VMA22: variants seen among roughly 807,000 people sequenced by gnomAD.
VMA22 encodes vacuolar ATPase assembly protein VMA22.
the VMA22 span, chr2:130,338,565 C>A: frequency 1.3e-5 from 2 of 152,270 alleles, no homozygotes; most frequent in Non-Finnish European, 2.9e-5. Flanking sequence ...ATTTTAAAAA[C>A]CTAGGCCTCT....
At chr2:130,341,690 T>C in the VMA22 span, 1 of 1,611,702 alleles carries the variant, frequency 6.2e-7, no homozygotes, top group Non-Finnish European at 8.5e-7. Context: ...CCCCACCTCC[T>C]CTGGGGCGTG....
At chr2:130,339,486 T>C in the VMA22 span, 1 of 1,364,370 alleles carries the variant, frequency 7.3e-7, no homozygotes, top group Non-Finnish European at 9.5e-7. Context: ...AACTAAAAAT[T>C]CACAGATAGT....
At chr2:130,342,330 T>C in the VMA22 span, 2 of 914,574 alleles carry the variant, frequency 2.2e-6, no homozygotes, top group Non-Finnish European at 3.2e-6. Context: ...TCAACTGGTT[T>C]CTCCAATTAG....
At chr2:130,339,323 C>T in the VMA22 span, 1 of 1,371,224 alleles carries the variant, frequency 7.3e-7, no homozygotes, top group Admixed American at 2.1e-5. Context: ...GGAAAGGCTT[C>T]AGGCCTCTCT....
chr2:130,339,639 G>A, the VMA22 span: 4 of 1,305,078 alleles, frequency 3.1e-6, no homozygotes, highest in Middle Eastern at 2.1e-4. Flanking sequence ...TGTCTCTGCT[G>A]GAACAGCTGC....
the VMA22 span, chr2:130,341,685 C>A: frequency 6.2e-7 from 1 of 1,611,416 alleles, no homozygotes; most frequent in Admixed American, 1.7e-5. Flanking sequence ...CGAGGCCCCA[C>A]CTCCTCTGGG....
the VMA22 span, chr2:130,341,800 C>T: frequency 1.4e-5 from 19 of 1,389,362 alleles, no homozygotes; most frequent in Non-Finnish European, 1.9e-5. Flanking sequence ...GCCTAGAACG[C>T]GCCCGCCCGC....
the VMA22 span, chr2:130,339,723 C>T: frequency 7.7e-7 from 1 of 1,304,266 alleles, no homozygotes; most frequent in Non-Finnish European, 1.0e-6. Flanking sequence ...TTGGATCACT[C>T]GCTCCAGGAA....
chr2:130,339,364 G>GTA, the VMA22 span: 19 of 1,335,232 alleles, frequency 1.4e-5, no homozygotes, highest in Non-Finnish European at 1.8e-5. Context: ...AACATTCCAG[G>GTA]TACGGCCCTG....
At chr2:130,340,913 C>T in the VMA22 span, 21 of 1,613,946 alleles carry the variant, frequency 1.3e-5, no homozygotes, top group Middle Eastern at 3.3e-4. Flanking sequence ...CTCACCATCC[C>T]GGAAGCTTGC....
At chr2:130,341,736 C>A in the VMA22 span, 14 of 1,611,362 alleles carry the variant, frequency 8.7e-6, no homozygotes. Flanking sequence ...TTCTGGAGTC[C>A]CTCCTGGGCC....
the VMA22 span, chr2:130,339,009 T>C: frequency 4.1e-5 from 30 of 737,810 alleles, no homozygotes; most frequent in Middle Eastern, 3.7e-4. Context: ...AGAAGGGGCA[T>C]TAGCTGGCGT....
the VMA22 span, chr2:130,340,224 A>C: frequency 6.2e-6 from 1 of 161,176 alleles, no homozygotes; most frequent in South Asian, 1.6e-4. Context: ...CCCACCACTT[A>C]CCTCCTCCTC....
the VMA22 span, chr2:130,341,801 G>GGCCCCCCCCCCCCCCCCCC: frequency 7.3e-7 from 1 of 1,378,140 alleles, no homozygotes; most frequent in Non-Finnish European, 9.9e-7. Flanking sequence ...CCTAGAACGC[G>GGCCCCCCCCCCCCCCCCCC]CCCGCCCGCC....
the VMA22 span, chr2:130,340,470 G>A: frequency 3.9e-6 from 1 of 253,564 alleles, no homozygotes; most frequent in South Asian, 3.8e-5. Flanking sequence ...CAGGGCTTTT[G>A]TCCTGGCTGG....
the VMA22 span, chr2:130,341,105 T>C: frequency 6.8e-7 from 1 of 1,479,694 alleles, no homozygotes; most frequent in Non-Finnish European, 9.0e-7. Flanking sequence ...TTGGTGACAA[T>C]GTTGAGCTTG....
At chr2:130,340,713 C>T in the VMA22 span, 13 of 629,468 alleles carry the variant, frequency 2.1e-5, 1 homozygote, top group South Asian at 2.3e-4. Flanking sequence ...TCCCCAGCAG[C>T]TAGCATGAAC....
chr2:130,339,653 C>T, the VMA22 span: 1 of 1,305,042 alleles, frequency 7.7e-7, no homozygotes, highest in South Asian at 1.2e-5. Flanking sequence ...CAGCTGCTGC[C>T]CAGTCCTCCG....
chr2:130,341,744 G>A, the VMA22 span: 1 of 1,611,346 alleles, frequency 6.2e-7, no homozygotes, highest in Non-Finnish European at 8.5e-7. Flanking sequence ...TCCCTCCTGG[G>A]CCTCGCTGAA....
Sources: gnomAD v4.1 joint callset for allele counts on GRCh38, gnomAD v4.1.1 for gene constraint, MANE v1.5 for transcripts, NCBI Gene and HGNC (gene_info 2026-07-23, HGNC 2026-07-21) for gene names.